The following CYFIP1 variants were observed in gnomAD, a reference collection of about 807,000 sequenced individuals.
The protein encoded by CYFIP1 is cytoplasmic FMR1 interacting protein 1.
CYFIP1 carries 58 observed loss-of-function variants against 163.5 expected under a neutral mutation model. The observed-to-expected ratio is 0.35, with a 90% CI of 0.29 to 0.44. CYFIP1 has a LOEUF of 0.44. CYFIP1 is among the 20% of genes least tolerant of loss of function. CYFIP1 has a pLI of 1.00. For synonymous variants in CYFIP1, 663 were observed against 660.7 expected, an observed-to-expected ratio of 1.00 and a Z score of -0.05; for missense variants, 1,338 against 1,653.8, an observed-to-expected ratio of 0.81 and a Z score of 3.31.
intron 1 of CYFIP1, among the ~76,000 whole-genome samples, chr15:22,960,269 G>C (rs1595710591): frequency 6.6e-6 from 1 of 152,234 alleles, no homozygotes; most frequent in East Asian, 1.9e-4. Context: ...GGAAACACCA[G>C]CATCAACCTC....
rs1425496810 is a variant in CYFIP1 at position 22,926,089 on chromosome 15, G to A, written c.1252C>T (p.His418Tyr). 1 of 1,614,180 alleles carries A rather than the reference G, an allele frequency of 6.2e-7. No individual in the cohort carries two copies. The highest frequency in any genetic ancestry group is 8.5e-7 in the Non-Finnish European group (1 of 1,180,010). ...VMEVYSWKLVHPTDKYSNKDC... is the reference protein window; with the variant it reads ...VMEVYSWKLVYPTDKYSNKDC... ...TTGTTGGAGTACTTGTCGGTGGGGT[G>A]CACAAGCTTCCAGGAATACTGTGGT... The change falls in exon 13 of 31, where the codon CAC (histidine) becomes TAC (tyrosine). Residue 418 changes from histidine (H) to tyrosine (Y), a missense_variant. Physicochemically the swap from His to Tyr is moderately conservative, Grantham distance 83. Around this residue, in one of 4 missense-constraint regions of CYFIP1, gnomAD observed 824 missense variants for 995.7 expected, o/e 0.83. Transcript: ENST00000617928.
chr15:22,918,592 A>G (rs1158278099), intron 14 of CYFIP1, 100 bp downstream of exon 14: 1 of 1,122,966 alleles, frequency 8.9e-7, no homozygotes, highest in African/African-American at 1.6e-5. Context: ...AGATAAATAT[A>G]TTGAAATCAT....
intron 1 of CYFIP1, among the ~76,000 whole-genome samples, chr15:22,971,560 T>C (rs1357860438): frequency 2.6e-5 from 4 of 151,652 alleles, no homozygotes; most frequent in Non-Finnish European, 5.9e-5. Context: ...TAATCCCAGC[T>C]TGAGTAGCTT....
In CYFIP1 at chr15:22,937,086, T is replaced by G; in HGVS notation, c.900+18A>C. ...ACACAAATCAATAAAAACATTGATC[T>G]AAAAACATGTAACTCACCTTGAAGT... On this transcript the variant is annotated intron_variant, in intron 9 of 30. Coordinates refer to ENST00000617928, the MANE Select transcript of CYFIP1 (RefSeq NM_014608.6). 1 of 1,523,850 alleles carries G rather than the reference T, an allele frequency of 6.6e-7. No homozygotes were observed. Among genetic ancestry groups the G allele is most frequent in the Non-Finnish European group, 9.1e-7 (1 of 1,097,782 alleles). 94.4% of individuals were successfully genotyped at this position (1,523,850 alleles called of 1,614,324 possible). A position where few individuals can be genotyped will look rare whatever the true frequency, so the allele number is the denominator to read the frequency against.
rs889295011 is a variant in CYFIP1, at chr15:22,968,979, T to G, written c.-7+11308A>C. Among the ~76,000 whole-genome samples, 4 of 152,248 alleles carry G rather than the reference T, an allele frequency of 2.6e-5. No individual in the cohort carries two copies. The East Asian group carries it at 7.7e-4, about 29-fold the overall frequency. On this transcript the variant is annotated intron_variant, in intron 1 of 30. Coordinates refer to ENST00000617928, the MANE Select transcript of CYFIP1 (RefSeq NM_014608.6). ...TTCAGAGCAAGCACATCTCCTTCTG[T>G]GAGTATCTTCAAGGACAAATCAACA...
chr15:22,909,405 T>A (rs2060705945), intron 20 of CYFIP1, 92 bp from the exon 21 acceptor site: 1 of 1,543,348 alleles, frequency 6.5e-7, no homozygotes, highest in South Asian at 1.2e-5. Flanking sequence ...GAGAAGCTGG[T>A]CTGTCAATAA....
At chr15:22,942,754 C>T (rs1001748390) in intron 6 of CYFIP1, among the ~76,000 whole-genome samples, 3 of 152,298 alleles carry the variant, frequency 2.0e-5, no homozygotes, top group South Asian at 2.1e-4. Context: ...TGGGGACCCC[C>T]GCTGGCGAGT....
intron 27 of CYFIP1, 52 bp downstream of exon 27, chr15:22,875,147 C>T (rs1273581808): frequency 1.3e-6 from 2 of 1,546,242 alleles, no homozygotes; most frequent in Non-Finnish European, 1.8e-6. Context: ...ACAGTGGGCA[C>T]CACCCCCACA....
At chr15:22,914,107 C>T (rs978226813) in intron 17 of CYFIP1, among the ~76,000 whole-genome samples, 1 of 152,218 alleles carries the variant, frequency 6.6e-6, no homozygotes, top group African/African-American at 2.4e-5. Context: ...CAGAACAAAG[C>T]TGTTCAATCA....
chr15:22,898,237 T>C (rs1295762050), intron 22 of CYFIP1, among the ~76,000 whole-genome samples: 1 of 152,156 alleles, frequency 6.6e-6, no homozygotes, highest in Non-Finnish European at 1.5e-5. Flanking sequence ...TACTCTATCA[T>C]TCCAAATAAT....
intron 12 of CYFIP1, among the ~76,000 whole-genome samples, chr15:22,927,569 A>G (rs62011566): frequency 0.15 from 23,392 of 151,214 alleles, 2,199 homozygotes; most frequent in Admixed American, 0.25. Flanking sequence ...AGGCAGAAGG[A>G]TCGCTTGGGG....
At position 22,874,661 on chromosome 15, in the gene CYFIP1, A is replaced by T. The variant is rs2059532401; in HGVS notation, c.3116-17T>A. The T allele has an allele frequency of 6.5e-7, 1 of 1,535,428 alleles. No homozygotes were observed. The highest frequency in any genetic ancestry group is 1.4e-5 in the African/African-American group (1 of 71,824). ...TCTCCCCCTCTGCAGTAGAAAAAATATTTTACTATATTCTGCTCCTTTGTA... is the reference window on the plus strand; with the variant it reads ...TCTCCCCCTCTGCAGTAGAAAAAATTTTTTACTATATTCTGCTCCTTTGTA... On this transcript the variant is annotated splice_polypyrimidine_tract_variant and intron_variant, in intron 27 of 30. Coordinates refer to ENST00000617928, the MANE Select transcript of CYFIP1 (RefSeq NM_014608.6).
intron 1 of CYFIP1, among the ~76,000 whole-genome samples, chr15:22,964,274 CCACACACACACACACACACACACA>C (rs60879784): frequency 1.0e-5 from 1 of 97,154 alleles, no homozygotes; most frequent in Admixed American, 1.2e-4. Context: ...CTCCTCCTCA[CCACACACACACACACACACACACA>C]CACACACACA....
chr15:22,917,150 C>A lies in CYFIP1; in HGVS notation c.1675-520G>T. ...GGCAGGGAGGGTGGCTGGCACCACG[C>A]ACAGGCCGAGGGCCGTCCCCCTGAC... On this transcript the variant is annotated intron_variant, in intron 15 of 30. Coordinates refer to ENST00000617928, the MANE Select transcript of CYFIP1 (RefSeq NM_014608.6). This position sits in a 1 kb window ranked among gnomAD's most constrained non-coding sequence, Gnocchi z 4.2. The A allele has an allele frequency of 6.9e-7, 1 of 1,441,998 alleles. No individual in the cohort carries two copies. The highest frequency in any genetic ancestry group is 1.5e-5 in the South Asian group (1 of 67,018). 89.3% of individuals were successfully genotyped at this position (1,441,998 alleles called of 1,614,324 possible).
chr15:22,915,842 GGTCT>G lies in CYFIP1; in HGVS notation c.1828+631_1828+634del, dbSNP rs544273253. ...GCAGCATTAGAGGCACACTCAGGGA[GGTCT>G]GTCTAACGCAAAAATGAGACAGATT... On this transcript the variant is annotated intron_variant, in intron 16 of 30. Coordinates refer to ENST00000617928, the MANE Select transcript of CYFIP1 (RefSeq NM_014608.6). 8.5e-5 allele frequency among the ~76,000 whole-genome samples: 13 copies of G among 152,272 alleles called. No homozygotes were observed. The East Asian group carries it at 1.4e-3, about 16-fold the overall frequency.
intron 1 of CYFIP1, among the ~76,000 whole-genome samples, chr15:22,979,246 G>C (rs888431466): frequency 1.3e-5 from 2 of 152,156 alleles, no homozygotes; most frequent in African/African-American, 4.8e-5. Context: ...GAAAACCGCT[G>C]GCCACCCGCA....
chr15:22,944,529 C>T (rs779449200), intron 5 of CYFIP1, 29 bp downstream of exon 5: 8 of 1,487,312 alleles, frequency 5.4e-6, no homozygotes, highest in East Asian at 2.3e-5. Context: ...CTCGGTGTTA[C>T]ACCCCCCCCA....
At chr15:22,883,054 CAT>C in intron 23 of CYFIP1, 43 bp from the exon 24 acceptor site, 3 of 1,598,034 alleles carry the variant, frequency 1.9e-6, no homozygotes, top group Middle Eastern at 3.3e-4. Flanking sequence ...TCCCCGCACA[CAT>C]GTGCAGATGA....
intron 1 of CYFIP1, among the ~76,000 whole-genome samples, chr15:22,955,970 C>A (rs2062436046): frequency 6.6e-6 from 1 of 152,094 alleles, no homozygotes; most frequent in African/African-American, 2.4e-5. Context: ...CTAATCCCAG[C>A]ACTTTGGGAG....
Sources: gnomAD v4.1 joint callset for allele counts (sites outside exome capture counted in the v4.1 genomes callset) on GRCh38, gnomAD v4.1.1 for gene constraint, gnomAD v4.1.1 regional missense constraint, Gnocchi (gnomAD v3.1) non-coding constraint, MANE v1.5 for transcripts, NCBI Gene and HGNC (gene_info 2026-07-23, HGNC 2026-07-21) for gene names.